The following GALNTL6 variants were observed in gnomAD, a reference collection of about 807,000 sequenced individuals.
The protein encoded by GALNTL6 is polypeptide N-acetylgalactosaminyltransferase like 6.
GALNTL6 carries 46 observed loss-of-function variants against 73.7 expected under a neutral mutation model. That is an observed-to-expected ratio of 0.62 (90% CI 0.49 to 0.80). GALNTL6 has a LOEUF of 0.80. Among genes scored for constraint, GALNTL6 ranks in the 30% least tolerant of loss-of-function variants. The probability of loss-of-function intolerance (pLI) is 0.00; values close to 1 mark genes in which losing one functional copy is unlikely to be tolerated. For missense variants in GALNTL6, 604 were observed against 755.0 expected, an observed-to-expected ratio of 0.80 and a Z score of 2.34; for synonymous variants, 259 against 263.7, an observed-to-expected ratio of 0.98 and a Z score of 0.17.
chr4:172,006,244 G>C (rs4434206), intron 2 of GALNTL6, among the ~76,000 whole-genome samples: 142,463 of 152,240 alleles, frequency 0.94, 66,954 homozygotes, highest in East Asian at 1. Flanking sequence ...GTGGAAGCCT[G>C]CACTATTTTA....
At chr4:172,760,806 TAGG>T (rs981448626) in intron 5 of GALNTL6, among the ~76,000 whole-genome samples, 6 of 152,104 alleles carry the variant, frequency 3.9e-5, no homozygotes, top group African/African-American at 1.2e-4. Context: ...CAGCAGGGGA[TAGG>T]AGGACCTCTC....
chr4:172,087,799 G>GT (rs1732093304), intron 2 of GALNTL6, among the ~76,000 whole-genome samples: 2 of 150,998 alleles, frequency 1.3e-5, no homozygotes, highest in Non-Finnish European at 2.9e-5. Context: ...GGGCCAGTGA[G>GT]TTTTTTTATC....
intron 2 of GALNTL6, among the ~76,000 whole-genome samples, chr4:172,054,212 T>A (rs1730956598): frequency 6.6e-6 from 1 of 152,126 alleles, no homozygotes; most frequent in Non-Finnish European, 1.5e-5. Context: ...GTAACTCCAA[T>A]ATACTGCAAT....
At chr4:173,036,723 C>T (rs1275423260) in intron 12 of GALNTL6, among the ~76,000 whole-genome samples, 2 of 152,194 alleles carry the variant, frequency 1.3e-5, no homozygotes, top group Admixed American at 1.3e-4. Context: ...TGCCATCCTC[C>T]AGGACTGGAC....
intron 2 of GALNTL6, among the ~76,000 whole-genome samples, chr4:172,065,697 A>C (rs1731337646): frequency 6.6e-6 from 1 of 152,164 alleles, no homozygotes; most frequent in Non-Finnish European, 1.5e-5. Context: ...GCTGCTATGA[A>C]GAAATACCAG....
chr4:172,084,406 C>A (rs1731967357), intron 2 of GALNTL6, among the ~76,000 whole-genome samples: 1 of 152,116 alleles, frequency 6.6e-6, no homozygotes, highest in Admixed American at 6.5e-5. Context: ...ATAACTGGAA[C>A]AAGAAAACGA....
chr4:172,059,681 T>C (rs1028456217), intron 2 of GALNTL6, among the ~76,000 whole-genome samples: 10 of 152,178 alleles, frequency 6.6e-5, no homozygotes, highest in African/African-American at 1.9e-4. Flanking sequence ...TAAATGTGAA[T>C]TGGTTAAAAA....
chr4:172,592,383 A>G (rs1737671993), intron 5 of GALNTL6, among the ~76,000 whole-genome samples: 3 of 152,012 alleles, frequency 2.0e-5, no homozygotes, highest in African/African-American at 4.8e-5. Context: ...CCATGACCCA[A>G]ACATCTCCCA....
intron 2 of GALNTL6, among the ~76,000 whole-genome samples, chr4:171,924,397 C>T (rs1383546653): frequency 6.6e-6 from 1 of 152,122 alleles, no homozygotes; most frequent in African/African-American, 2.4e-5. Context: ...GAGCTAGTTA[C>T]AGGCAAAATG....
intron 4 of GALNTL6, among the ~76,000 whole-genome samples, chr4:172,339,114 C>G (rs939594065): frequency 6.6e-6 from 1 of 152,066 alleles, no homozygotes; most frequent in African/African-American, 2.4e-5. Context: ...TGCGTAAGAA[C>G]GATGGGACAG....
chr4:171,856,457 A>G (rs976023216), intron 2 of GALNTL6, among the ~76,000 whole-genome samples: 7 of 152,196 alleles, frequency 4.6e-5, no homozygotes, highest in Middle Eastern at 3.4e-3. Context: ...TCAATTTTTT[A>G]TGAATCATAT....
Position 172,703,615 on chromosome 4 carries a change from T to C in GALNTL6, c.554-105746T>C, listed in dbSNP as rs1376430373. Among the ~76,000 whole-genome samples, 3 of 152,180 alleles carry C rather than the reference T, an allele frequency of 2.0e-5. No individual in the cohort carries two copies. The East Asian group carries it at 5.8e-4, about 29-fold the overall frequency. On this transcript the variant is annotated intron_variant, in intron 5 of 12. Coordinates refer to ENST00000506823, the MANE Select transcript of GALNTL6 (RefSeq NM_001034845.3). ...TTTTCCAGCATTTTGTGAGGATTTT[T>C]GCATCTATCTTTATCAGGGATATTG...
chr4:172,222,766 T>C (rs1736724577), intron 2 of GALNTL6, among the ~76,000 whole-genome samples: 1 of 151,968 alleles, frequency 6.6e-6, no homozygotes, highest in Non-Finnish European at 1.5e-5. Flanking sequence ...GATACTGATA[T>C]AAATACAAAG....
chr4:172,149,291 C>T (rs1275976835), intron 2 of GALNTL6, among the ~76,000 whole-genome samples: 1 of 152,204 alleles, frequency 6.6e-6, no homozygotes, highest in Admixed American at 6.5e-5. Flanking sequence ...TACACCTACA[C>T]ACTGGACTCC....
intron 10 of GALNTL6, among the ~76,000 whole-genome samples, chr4:172,964,429 G>A (rs1210930738): frequency 6.6e-6 from 1 of 152,170 alleles, no homozygotes; most frequent in African/African-American, 2.4e-5. Context: ...TGTCCTCAAT[G>A]TGCCAATCTG....
chr4:172,293,473 TA>T (rs1739543925), intron 3 of GALNTL6, among the ~76,000 whole-genome samples: 1 of 152,080 alleles, frequency 6.6e-6, no homozygotes, highest in African/African-American at 2.4e-5. Flanking sequence ...AGAAGGATAT[TA>T]TTATTATTAA....
At chr4:172,682,131 T>C (rs966836963) in intron 5 of GALNTL6, among the ~76,000 whole-genome samples, 1 of 152,122 alleles carries the variant, frequency 6.6e-6, no homozygotes, top group African/African-American at 2.4e-5. Context: ...CACAGAAATA[T>C]AGAACACAAA....
At chr4:172,986,315 A>T (rs993734852) in intron 10 of GALNTL6, among the ~76,000 whole-genome samples, 3 of 152,234 alleles carry the variant, frequency 2.0e-5, no homozygotes, top group Admixed American at 1.3e-4. Context: ...GACTTGCATG[A>T]CAATGATGTT....
chr4:172,992,196 A>G (rs973927242), intron 10 of GALNTL6, among the ~76,000 whole-genome samples: 6 of 152,100 alleles, frequency 3.9e-5, no homozygotes, highest in African/African-American at 9.7e-5. Context: ...ATAATGTCTG[A>G]CTCTTTCCAA....
Sources: allele counts gnomAD v4.1 joint callset (sites outside exome capture counted in the v4.1 genomes callset), GRCh38; gene constraint gnomAD v4.1.1; transcripts MANE v1.5; gene names NCBI Gene and HGNC (gene_info 2026-07-23, HGNC 2026-07-21).